Variants in NRG2 observed in about 807,000 individuals in gnomAD.
NRG2 encodes pro-neuregulin-2, membrane-bound isoform.
Under a neutral mutation model 73.9 loss-of-function variants are expected in NRG2, and 27 were observed. The observed-to-expected ratio is 0.37, with a 90% CI of 0.27 to 0.50. NRG2 has a LOEUF of 0.50. Among genes scored for constraint, NRG2 ranks in the 20% least tolerant of loss-of-function variants. The probability of loss-of-function intolerance (pLI) is 0.96; values close to 1 mark genes in which losing one functional copy is unlikely to be tolerated. For missense variants in NRG2, 1,126 were observed against 1,210.1 expected, an observed-to-expected ratio of 0.93 and a Z score of 1.03; for synonymous variants, 532 against 541.0, an observed-to-expected ratio of 0.98 and a Z score of 0.23.
At chr5:139,872,965 G>C (rs773872109) in intron 3 of NRG2, among the ~76,000 whole-genome samples, 1 of 152,144 alleles carries the variant, frequency 6.6e-6, no homozygotes, top group Non-Finnish European at 1.5e-5. Context: ...GGTGGCCCAA[G>C]CTACCCCAGC....
intron 1 of NRG2, among the ~76,000 whole-genome samples, chr5:139,974,593 T>C (rs1756235615): frequency 6.6e-6 from 1 of 152,018 alleles, no homozygotes; most frequent in Non-Finnish European, 1.5e-5. Flanking sequence ...TTAAAAAATA[T>C]AATTTACCAA....
Position 140,043,138 on chromosome 5 carries a change from T to A in NRG2, c.-69A>T. 3.9e-6 allele frequency: 6 copies of A among 1,530,622 alleles called. No homozygotes were observed. Among genetic ancestry groups the A allele is most frequent in the Non-Finnish European group, 5.3e-6 (6 of 1,141,504 alleles). 94.8% of individuals were successfully genotyped at this position (1,530,622 alleles called of 1,614,324 possible). On this transcript the variant is annotated 5_prime_UTR_variant, in exon 1 of 10. Transcript: ENST00000361474. This position sits in a 1 kb window ranked among gnomAD's most constrained non-coding sequence, Gnocchi z 6.7. ...CCTTGGGAGGGGAAACAGAGCCCGCTGGAAAACCGGAAACAGCGTAACGTT... is the reference window on the plus strand; with the variant it reads ...CCTTGGGAGGGGAAACAGAGCCCGCAGGAAAACCGGAAACAGCGTAACGTT...
Position 139,853,083 on chromosome 5 carries a change from C to T in NRG2, c.1293-56G>A, listed in dbSNP as rs767005205. 62 of 1,606,804 alleles carry T rather than the reference C, an allele frequency of 3.9e-5. No individual in the cohort carries two copies. Among genetic ancestry groups the T allele is most frequent in the Admixed American group, 1.0e-4 (6 of 58,734 alleles). On this transcript the variant is annotated intron_variant, in intron 6 of 9. Transcript: ENST00000361474. This position sits in a 1 kb window ranked among gnomAD's most constrained non-coding sequence, Gnocchi z 4.1. Reference sequence around the variant, plus strand: ...ATTCCCCCCACTCGCCAACGATGAACTTCCCTAGCTATCTCTCTAGGGAAA... The same window carrying T: ...ATTCCCCCCACTCGCCAACGATGAATTTCCCTAGCTATCTCTCTAGGGAAA...
intron 1 of NRG2, among the ~76,000 whole-genome samples, chr5:139,967,963 A>G (rs1324421838): frequency 2.8e-5 from 4 of 143,644 alleles, no homozygotes; most frequent in African/African-American, 1.1e-4. Flanking sequence ...TGTCCCAAAA[A>G]ATAAAACATA....
At chr5:139,901,763 C>T (rs1407428132) in intron 1 of NRG2, among the ~76,000 whole-genome samples, 1 of 152,200 alleles carries the variant, frequency 6.6e-6, no homozygotes, top group East Asian at 1.9e-4. Context: ...TTCACAGGGA[C>T]CTCCAGCAGA....
intron 9 of NRG2, among the ~76,000 whole-genome samples, 190 bp from the exon 10 acceptor site, chr5:139,848,887 G>A (rs190918421): frequency 2.6e-5 from 4 of 152,280 alleles, no homozygotes; most frequent in Non-Finnish European, 4.4e-5. Flanking sequence ...TCCGAGCCTC[G>A]GTTTCCTTAT....
chr5:139,986,875 C>T (rs553086196), intron 1 of NRG2, among the ~76,000 whole-genome samples: 1 of 152,220 alleles, frequency 6.6e-6, no homozygotes, highest in African/African-American at 2.4e-5. Flanking sequence ...TCTGAGGGGA[C>T]ATAAACTTCG....
At chr5:140,029,257 C>G (rs1760943749) in intron 1 of NRG2, among the ~76,000 whole-genome samples, 1 of 152,164 alleles carries the variant, frequency 6.6e-6, no homozygotes, top group South Asian at 2.1e-4. Context: ...GGGACTTTTC[C>G]CAAGTTCACA....
chr5:140,040,592 G>A (rs1309806714), intron 1 of NRG2, among the ~76,000 whole-genome samples: 1 of 152,182 alleles, frequency 6.6e-6, no homozygotes, highest in Non-Finnish European at 1.5e-5. Flanking sequence ...CAGCGGCCCA[G>A]ACTAGGGATT....
chr5:140,016,615 A>G (rs574624045), intron 1 of NRG2, among the ~76,000 whole-genome samples: 3 of 152,342 alleles, frequency 2.0e-5, no homozygotes, highest in Admixed American at 1.3e-4. Flanking sequence ...TTTAGTTACT[A>G]CCATAAATAA....
At chr5:139,932,077 C>T (rs1177595673) in intron 1 of NRG2, among the ~76,000 whole-genome samples, 2 of 152,146 alleles carry the variant, frequency 1.3e-5, no homozygotes, top group African/African-American at 4.8e-5. Flanking sequence ...CAGAAATCCC[C>T]CTTTTCGGTA....
intron 1 of NRG2, among the ~76,000 whole-genome samples, chr5:139,991,689 G>A (rs1757643442): frequency 6.6e-6 from 1 of 152,174 alleles, no homozygotes; most frequent in South Asian, 2.1e-4. Flanking sequence ...GAGCCACTGG[G>A]CTGACCTACA....
intron 2 of NRG2, among the ~76,000 whole-genome samples, chr5:139,884,018 G>C (rs1328695385): frequency 2.0e-5 from 3 of 152,158 alleles, no homozygotes; most frequent in Non-Finnish European, 4.4e-5. Flanking sequence ...CATCCAAAAG[G>C]TCTCATGCCC....
chr5:140,004,098 T>C (rs1034615388), intron 1 of NRG2, among the ~76,000 whole-genome samples: 2 of 152,234 alleles, frequency 1.3e-5, no homozygotes, highest in Admixed American at 6.5e-5. Flanking sequence ...ACCTTCTGTA[T>C]CATTTTTGCA....
intron 1 of NRG2, among the ~76,000 whole-genome samples, chr5:139,917,602 C>A (rs2127211220): frequency 6.6e-6 from 1 of 152,178 alleles, no homozygotes; most frequent in Non-Finnish European, 1.5e-5. Flanking sequence ...TGTTGAGCAT[C>A]TTTTTTTGTA....
Position 140,008,902 on chromosome 5 carries a change from A to C in NRG2, c.700+33468T>G, listed in dbSNP as rs1385919902. Among the ~76,000 whole-genome samples the C allele has an allele frequency of 6.6e-6, 1 of 152,220 alleles. No individual in the cohort carries two copies. Among genetic ancestry groups the C allele is most frequent in the Non-Finnish European group, 1.5e-5 (1 of 68,036 alleles). ...CTCTGTGTCTCAGTTCCCCATATGA[A>C]AAATGGGATAATAGCAATAGAACCA... On this transcript the variant is annotated intron_variant, in intron 1 of 9. Transcript: ENST00000361474. This position sits in a 1 kb window ranked among gnomAD's most constrained non-coding sequence, Gnocchi z 4.2.
In NRG2 at chr5:139,928,600, A is replaced by G. The variant is rs1405152743; in HGVS notation, c.701-41089T>C. Among the ~76,000 whole-genome samples, 11 of 152,176 alleles carry G rather than the reference A, an allele frequency of 7.2e-5. 1 individual carries two copies. The highest frequency in any genetic ancestry group is 7.2e-4 in the Admixed American group (11 of 15,272). Reference sequence around the variant, plus strand: ...AAGGATTTCTACAACCCCCAGAGCAACAGCTACCACTTCCCCTAGAACAAC... The same window carrying G: ...AAGGATTTCTACAACCCCCAGAGCAGCAGCTACCACTTCCCCTAGAACAAC... On this transcript the variant is annotated intron_variant, in intron 1 of 9. Coordinates refer to ENST00000361474, the MANE Select transcript of NRG2 (RefSeq NM_004883.3).
In NRG2 at chr5:139,856,795, C is replaced by A. The variant is rs1761834606; in HGVS notation, c.1190-1017G>T. ...AGGCAGACCCCTTCATTCACGCACA[C>A]ACACCTGCACACACAACATATGCAC... is the stretch of plus-strand genomic sequence containing the variant. On this transcript the variant is annotated intron_variant, in intron 5 of 9. Transcript: ENST00000361474. This position sits in a 1 kb window ranked among gnomAD's most constrained non-coding sequence, Gnocchi z 4.2. Among the ~76,000 whole-genome samples the A allele has an allele frequency of 6.6e-6, 1 of 152,232 alleles. No individual in the cohort carries two copies.
At chr5:139,872,378 G>A (rs907452321) in intron 3 of NRG2, among the ~76,000 whole-genome samples, 23 of 152,244 alleles carry the variant, frequency 1.5e-4, no homozygotes, top group African/African-American at 5.5e-4. Context: ...TCTAAGATCT[G>A]GAGAGATGTT....
Sources: gnomAD v4.1 joint callset for allele counts (sites outside exome capture counted in the v4.1 genomes callset) on GRCh38, gnomAD v4.1.1 for gene constraint, Gnocchi (gnomAD v3.1) non-coding constraint, MANE v1.5 for transcripts, NCBI Gene and HGNC (gene_info 2026-07-23, HGNC 2026-07-21) for gene names.